DCAF1: variants seen among roughly 807,000 people sequenced by gnomAD.
DCAF1 encodes the protein DDB1- and CUL4-associated factor 1.
DCAF1 carries 15 observed loss-of-function variants against 128.0 expected under a neutral mutation model. The ratio of observed to expected loss-of-function variants is 0.12; its 90% CI spans 0.08 to 0.18. DCAF1 has a LOEUF of 0.18. Ranked by LOEUF, DCAF1 falls within the 10% of genes least tolerant of loss-of-function variation. DCAF1 has a pLI of 1.00. For synonymous variants in DCAF1, 610 were observed against 603.0 expected (o/e 1.01, Z -0.17); for missense variants, 988 against 1,649.5 (o/e 0.60, Z 6.95).
chr3:51,450,119 G>A (rs1281483500), intron 6 of DCAF1, among the ~76,000 whole-genome samples: 4 of 152,210 alleles, frequency 2.6e-5, no homozygotes, highest in African/African-American at 9.6e-5. Context: ...GCTGAGGCAG[G>A]AGGATCACTT....
At chr3:51,444,862 A>G (rs1176335386) in intron 6 of DCAF1, among the ~76,000 whole-genome samples, 2 of 150,996 alleles carry the variant, frequency 1.3e-5, no homozygotes, top group Non-Finnish European at 2.9e-5. Flanking sequence ...TTTTTAGTAG[A>G]GACGGGGTTT....
rs1705672290 is a variant in DCAF1, at chr3:51,477,857, TCTGATAA to T, written c.110+5855_110+5861del. On this transcript the variant is annotated intron_variant, in intron 3 of 24. Coordinates refer to ENST00000684031, the MANE Select transcript of DCAF1 (RefSeq NM_001387579.1). ...ACTGATTCACTCATTTTCTTTCCAT[TCTGATAA>T]CCCCTTTAATATTTACAAACCTTCC... Among the ~76,000 whole-genome samples, 6 of 152,142 alleles carry T rather than the reference TCTGATAA, an allele frequency of 3.9e-5. No homozygotes were observed. The South Asian group carries it at 1.2e-3, about 31-fold the overall frequency.
upstream of DCAF1, among the ~76,000 whole-genome samples, chr3:51,502,261 A>C (rs1403023642): frequency 6.6e-6 from 1 of 152,146 alleles, no homozygotes; most frequent in Non-Finnish European, 1.5e-5. Context: ...CAACCTGGTC[A>C]GAGCACTGTG....
Position 51,429,329 on chromosome 3 carries a change from C to G in DCAF1, c.1609G>C (p.Glu537Gln). 1.3e-6 allele frequency: 1 copy of G among 780,792 alleles called. No homozygotes were observed. 48.4% of individuals were successfully genotyped at this position (780,792 alleles called of 1,614,324 possible). A position where few individuals can be genotyped will look rare whatever the true frequency, so the allele number is the denominator to read the frequency against. The change falls in exon 12 of 25, where the codon GAA (glutamate) becomes CAA (glutamine). Residue 537 changes from glutamate to glutamine, a missense_variant. This residue lies in a region of DCAF1 where 185 missense variants were observed against 248.1 expected (regional missense o/e 0.75). Coordinates refer to ENST00000684031, the MANE Select transcript of DCAF1 (RefSeq NM_001387579.1). ...CTCTGAAGTGACTGCTTCACTTGTT[C>G]CAATTTAATGGCCAGGTGAGCCTCA... ...YFEAHLAIKL[E>Q]QVKQSLQRTE...
At chr3:51,440,274 G>A (rs555728542) in intron 9 of DCAF1, 2 of 403,640 alleles carry the variant, frequency 5.0e-6, no homozygotes, top group Non-Finnish European at 9.7e-6. Context: ...ATAAAATGCA[G>A]AGAAATTACA....
chr3:51,423,670 C>A (rs1699634961), intron 13 of DCAF1, among the ~76,000 whole-genome samples: 2 of 150,532 alleles, frequency 1.3e-5, no homozygotes, highest in South Asian at 2.1e-4. Flanking sequence ...AATACAAAAA[C>A]CAGCCAGGCA....
chr3:51,478,434 A>C (rs1705750184), intron 3 of DCAF1, among the ~76,000 whole-genome samples: 1 of 152,196 alleles, frequency 6.6e-6, no homozygotes, highest in Admixed American at 6.6e-5. Flanking sequence ...ATGTAAAATA[A>C]TGTTGAAAAT....
At chr3:51,493,905 A>G (rs560949827) in intron 2 of DCAF1, among the ~76,000 whole-genome samples, 53 of 151,378 alleles carry the variant, frequency 3.5e-4, no homozygotes, top group African/African-American at 1.1e-3. Flanking sequence ...GCTGAGGCAG[A>G]AGCATCGCTT....
chr3:51,457,470 C>A (rs1414696450), intron 6 of DCAF1, among the ~76,000 whole-genome samples: 3 of 152,102 alleles, frequency 2.0e-5, no homozygotes, highest in Non-Finnish European at 1.5e-5. Context: ...GAGAATGGAA[C>A]CAAGTTGGAA....
At chr3:51,488,426 C>T (rs141064869) in intron 2 of DCAF1, among the ~76,000 whole-genome samples, 14 of 152,238 alleles carry the variant, frequency 9.2e-5, no homozygotes, top group South Asian at 4.1e-4. Flanking sequence ...GCCTGTAATC[C>T]CAGCACTTTG....
At chr3:51,475,985 G>A (rs1382940979) in intron 3 of DCAF1, among the ~76,000 whole-genome samples, 3 of 152,112 alleles carry the variant, frequency 2.0e-5, no homozygotes, top group East Asian at 1.9e-4. Context: ...TAGTCTCTAC[G>A]TTACAGAGTT....
chr3:51,415,150 C>T (rs1236578111), intron 18 of DCAF1, among the ~76,000 whole-genome samples: 1 of 152,088 alleles, frequency 6.6e-6, no homozygotes, highest in African/African-American at 2.4e-5. Flanking sequence ...GGTTCTATAC[C>T]CACAACTCTT....
intron 3 of DCAF1, among the ~76,000 whole-genome samples, chr3:51,475,249 AC>A (rs1559557220): frequency 6.6e-6 from 1 of 152,014 alleles, no homozygotes; most frequent in Non-Finnish European, 1.5e-5. Flanking sequence ...AAAAAAAAAA[AC>A]AAAAAGATCT....
intron 10 of DCAF1, 30 bp from the exon 11 acceptor site, chr3:51,430,242 T>C: frequency 1.3e-6 from 1 of 765,034 alleles, no homozygotes. Context: ...AAACAATGCT[T>C]TTAAATTGTG....
chr3:51,471,985 T>A (rs1351561452), intron 3 of DCAF1, among the ~76,000 whole-genome samples: 1 of 152,186 alleles, frequency 6.6e-6, no homozygotes, highest in East Asian at 1.9e-4. Context: ...CCTATCCTCA[T>A]CCAGACCACC....
chr3:51,479,233 G>A lies in DCAF1; in HGVS notation c.110+4486C>T, dbSNP rs559943428. 3.9e-5 allele frequency among the ~76,000 whole-genome samples: 6 copies of A among 152,314 alleles called. No homozygotes were observed. The South Asian group carries it at 1.2e-3, about 32-fold the overall frequency. On this transcript the variant is annotated intron_variant, in intron 3 of 24. Transcript: ENST00000684031. ...ACATAGTCGTAGGCCAGGCATGGTG[G>A]CTCACGCCTATAATCTCAGCACTTC...
At chr3:51,429,965 C>T (rs1700229621) in intron 11 of DCAF1, 68 bp downstream of exon 11, 1 of 740,432 alleles carries the variant, frequency 1.4e-6, no homozygotes, top group Non-Finnish European at 2.5e-6. Flanking sequence ...CAAGGGTGTG[C>T]CGTTAAAGGG....
chr3:51,422,549 C>T (rs1398410095), intron 13 of DCAF1, 118 bp from the exon 14 acceptor site: 2 of 652,152 alleles, frequency 3.1e-6, no homozygotes, highest in Non-Finnish European at 5.7e-6. Context: ...AAATCAGAAG[C>T]ACTACCAGTG....
In DCAF1 at chr3:51,470,140, T is replaced by A. The variant is rs376679977; in HGVS notation, c.187+789A>T. 1.8e-3 allele frequency among the ~76,000 whole-genome samples: 278 copies of A among 152,334 alleles called. 6 individuals carry two copies. In the South Asian group the frequency reaches 0.056, roughly 31 times the overall value. ...GTCAAGGTTCCAAATATCAACTTCCTAACTAAAAGCAGGACACTGAATGCT... is the reference window on the plus strand; with the variant it reads ...GTCAAGGTTCCAAATATCAACTTCCAAACTAAAAGCAGGACACTGAATGCT... On this transcript the variant is annotated intron_variant, in intron 4 of 24. Transcript: ENST00000684031.
Sources: gnomAD v4.1 joint callset for allele counts (sites outside exome capture counted in the v4.1 genomes callset) on GRCh38, gnomAD v4.1.1 for gene constraint, gnomAD v4.1.1 regional missense constraint, MANE v1.5 for transcripts, NCBI Gene and HGNC (gene_info 2026-07-23, HGNC 2026-07-21) for gene names.